Variants in CRISPLD2 observed in about 807,000 individuals in gnomAD.
CRISPLD2 encodes cysteine-rich secretory protein LCCL domain-containing 2.
A neutral mutation model predicts 71.1 loss-of-function variants in CRISPLD2; 47 were observed. The observed-to-expected ratio is 0.66, with a 90% CI of 0.52 to 0.84. The LOEUF is 0.84. CRISPLD2 is among the 40% of genes least tolerant of loss of function. CRISPLD2 has a pLI of 0.00. For synonymous variants in CRISPLD2, 317 were observed against 250.1 expected, an observed-to-expected ratio of 1.27 and a Z score of -2.52; for missense variants, 830 against 651.1, an observed-to-expected ratio of 1.27 and a Z score of -2.99.
At chr16:84,884,035 G>T (rs1339428799) in intron 13 of CRISPLD2, among the ~76,000 whole-genome samples, 1 of 151,988 alleles carries the variant, frequency 6.6e-6, no homozygotes, top group African/African-American at 2.4e-5. Flanking sequence ...AGTAGAGACA[G>T]GGTTTCTCCA....
chr16:84,894,030 A>G (rs1222938259), intron 14 of CRISPLD2, among the ~76,000 whole-genome samples: 1 of 152,158 alleles, frequency 6.6e-6, no homozygotes, highest in African/African-American at 2.4e-5. Context: ...CAAAACCCCC[A>G]AACAGGATTC....
intron 9 of CRISPLD2, 42 bp downstream of exon 9, chr16:84,872,550 C>T (rs759308168): frequency 3.9e-5 from 60 of 1,523,736 alleles, no homozygotes; most frequent in Non-Finnish European, 5.3e-5. Flanking sequence ...TGTGTGGGAT[C>T]CTGTTGCATA....
At chr16:84,856,357 C>G (rs887308417) in intron 6 of CRISPLD2, among the ~76,000 whole-genome samples, 4 of 152,224 alleles carry the variant, frequency 2.6e-5, no homozygotes, top group Non-Finnish European at 4.4e-5. Context: ...CCAGCCAACA[C>G]TGTAACTCCC....
At position 84,908,150 on chromosome 16, in the gene CRISPLD2, G is replaced by T. The variant is rs1378939102; in HGVS notation, c.*1508G>T. ...TAGGTGATGCCTTCTTTCTTTGATT[G>T]CCTTTCTAATAAATGCAGAATCTGA... On this transcript the variant is annotated 3_prime_UTR_variant, in exon 15 of 15. Coordinates refer to ENST00000262424, the MANE Select transcript of CRISPLD2 (RefSeq NM_031476.4). 6.6e-6 allele frequency: 1 copy of T among 152,190 alleles called. No individual in the cohort carries two copies. Among genetic ancestry groups the T allele is most frequent in the African/African-American group, 2.4e-5 (1 of 41,454 alleles). The allele number at this position is 152,190 out of a possible 1,614,324, so 9.4% of individuals were successfully genotyped here.
At chr16:84,837,907 C>T (rs4782671) in intron 1 of CRISPLD2, among the ~76,000 whole-genome samples, 11,938 of 152,202 alleles carry the variant, frequency 0.078, 558 homozygotes, top group Middle Eastern at 0.11. Context: ...AACAGATGTG[C>T]GGGTGGGGCC....
At position 84,849,463 on chromosome 16, in the gene CRISPLD2, C is replaced by G; in HGVS notation, c.438C>G (p.Cys146Trp). The G allele has an allele frequency of 6.2e-7, 1 of 1,614,134 alleles. No individual in the cohort carries two copies. ...ACACCTACCCCTACCCGAGCGAGTGCAACCCCTGGTGTCCAGAGAGGTGCT... is the reference window on the plus strand; with the variant it reads ...ACACCTACCCCTACCCGAGCGAGTGGAACCCCTGGTGTCCAGAGAGGTGCT... ...KDYTYPYPSE[C>W]NPWCPERCSG... The change falls in exon 4 of 15, where the codon TGC becomes TGG. Residue 146 changes from cysteine (C) to tryptophan (W), a missense_variant. By Grantham distance (215) the Cys-to-Trp change is radical (BLOSUM62 -2). Transcript: ENST00000262424.
chr16:84,894,508 GA>G (rs922488382), intron 14 of CRISPLD2, among the ~76,000 whole-genome samples: 1 of 152,146 alleles, frequency 6.6e-6, no homozygotes, highest in Non-Finnish European at 1.5e-5. Context: ...AGGGACTGGG[GA>G]CACTGCCGGG....
chr16:84,875,257 A>ATGTGTGTGTGTG (rs138882523), intron 11 of CRISPLD2, among the ~76,000 whole-genome samples: 1 of 148,218 alleles, frequency 6.7e-6, no homozygotes, highest in African/African-American at 2.5e-5. Flanking sequence ...ATATATACAT[A>ATGTGTGTGTGTG]TGTGTGTGTG....
intron 7 of CRISPLD2, 83 bp downstream of exon 7, chr16:84,867,123 G>C (rs1460021478): frequency 2.3e-5 from 33 of 1,454,878 alleles, no homozygotes; most frequent in Non-Finnish European, 2.9e-5. Context: ...GGGAGCTAGT[G>C]GATTTAGGTC....
At chr16:84,820,917 C>G (rs949973476) in intron 1 of CRISPLD2, among the ~76,000 whole-genome samples, 1 of 152,214 alleles carries the variant, frequency 6.6e-6, no homozygotes, top group Non-Finnish European at 1.5e-5. Context: ...AGAGCCAGGG[C>G]TAGTCCCTCA....
intron 14 of CRISPLD2, among the ~76,000 whole-genome samples, chr16:84,895,463 T>A (rs975605648): frequency 6.6e-6 from 1 of 152,066 alleles, no homozygotes; most frequent in African/African-American, 2.4e-5. Context: ...AAAGTAAGAG[T>A]CCCAACAGGT....
At chr16:84,890,688 G>C (rs976716174) in intron 14 of CRISPLD2, among the ~76,000 whole-genome samples, 1 of 151,984 alleles carries the variant, frequency 6.6e-6, no homozygotes, top group Non-Finnish European at 1.5e-5. Context: ...GATCACCTGA[G>C]GTCAGGTGAG....
chr16:84,886,043 T>TC (rs2071610305), intron 13 of CRISPLD2, among the ~76,000 whole-genome samples: 1 of 152,052 alleles, frequency 6.6e-6, no homozygotes. Flanking sequence ...CTCATCTTGA[T>TC]CCATGCCCAG....
chr16:84,826,446 G>C (rs1916354102), intron 1 of CRISPLD2, among the ~76,000 whole-genome samples: 1 of 152,200 alleles, frequency 6.6e-6, no homozygotes, highest in Admixed American at 6.5e-5. Context: ...CTATGTGCCT[G>C]GGAAGAGCCA....
At position 84,885,354 on chromosome 16, in the gene CRISPLD2, C is replaced by T. The variant is rs538487504; in HGVS notation, c.1306-3876C>T. 8.5e-5 allele frequency among the ~76,000 whole-genome samples: 13 copies of T among 152,358 alleles called. No individual in the cohort carries two copies. In the East Asian group the frequency reaches 2.5e-3, roughly 29 times the overall value. On this transcript the variant is annotated intron_variant, in intron 13 of 14. Coordinates refer to ENST00000262424, the MANE Select transcript of CRISPLD2 (RefSeq NM_031476.4). ...TTGAGATGGATGCAAAGTTATTGCT[C>T]CTTAGTCTTTAGCAGGGCACAAAGC... is the stretch of plus-strand genomic sequence containing the variant.
In CRISPLD2 at chr16:84,907,595, G is replaced by C. The variant is rs1567710270; in HGVS notation, c.*953G>C. ...GGTTCCACTGAGACGAGATGTCTGA[G>C]AACAACCAAAGAAGGCCTGCTCTTT... On this transcript the variant is annotated 3_prime_UTR_variant, in exon 15 of 15. Coordinates refer to ENST00000262424, the MANE Select transcript of CRISPLD2 (RefSeq NM_031476.4). The C allele has an allele frequency of 6.6e-6, 1 of 152,168 alleles. No individual in the cohort carries two copies. Among genetic ancestry groups the C allele is most frequent in the African/African-American group, 2.4e-5 (1 of 41,430 alleles). The allele number at this position is 152,168 out of a possible 1,614,324, so 9.4% of individuals were successfully genotyped here.
chr16:84,882,565 C>G (rs1474529245), intron 13 of CRISPLD2, among the ~76,000 whole-genome samples: 1 of 152,094 alleles, frequency 6.6e-6, no homozygotes, highest in Non-Finnish European at 1.5e-5. Context: ...TCACCACACC[C>G]AGCTAATTTT....
At chr16:84,833,494 T>C (rs1295960709) in intron 1 of CRISPLD2, among the ~76,000 whole-genome samples, 1 of 151,760 alleles carries the variant, frequency 6.6e-6, no homozygotes, top group Non-Finnish European at 1.5e-5. Context: ...TCTCTAGGAG[T>C]GGCGCATGCA....
At chr16:84,885,167 A>C (rs569714281) in intron 13 of CRISPLD2, among the ~76,000 whole-genome samples, 28 of 152,192 alleles carry the variant, frequency 1.8e-4, no homozygotes, top group Non-Finnish European at 3.5e-4. Flanking sequence ...GTGGATTCTG[A>C]AACAAGCACA....
Sources: gnomAD v4.1 joint callset for allele counts (sites outside exome capture counted in the v4.1 genomes callset) on GRCh38, gnomAD v4.1.1 for gene constraint, MANE v1.5 for transcripts, NCBI Gene and HGNC (gene_info 2026-07-23, HGNC 2026-07-21) for gene names.